The following FGF10 variants were observed in gnomAD, a reference collection of about 807,000 sequenced individuals.
FGF10 encodes FGF-10.
In FGF10, 2 loss-of-function variants were observed where a neutral mutation model predicts 19.8. The observed-to-expected ratio is 0.10, with a 90% CI of 0.04 to 0.32. The LOEUF (loss-of-function observed/expected upper bound fraction) is 0.32, where lower values mean the gene tolerates loss of function less well. FGF10 is among the 10% of genes least tolerant of loss of function. FGF10 has a pLI of 1.00. For missense variants in FGF10, 191 were observed against 246.3 expected (o/e 0.78, Z 1.50); for synonymous variants, 112 against 94.0 (o/e 1.19, Z -1.10).
At chr5:44,310,578 T>C (rs778500773) in intron 1 of FGF10, 48 bp from the exon 2 acceptor site, 2 of 1,364,210 alleles carry the variant, frequency 1.5e-6, no homozygotes, top group Non-Finnish European at 2.1e-6. Context: ...CTAAATATAT[T>C]TGGAAGAAAA....
At chr5:44,355,756 G>GAGAACAGA (rs888983014) in intron 1 of FGF10, among the ~76,000 whole-genome samples, 18 of 151,534 alleles carry the variant, frequency 1.2e-4, no homozygotes, top group African/African-American at 4.3e-4. Flanking sequence ...GGAATATGCT[G>GAGAACAGA]AGAACAGAGT....
At position 44,388,298 on chromosome 5, in the gene FGF10, C is replaced by G. The variant is rs375875663; in HGVS notation, c.325+60G>C. 4 of 1,495,754 alleles carry G rather than the reference C, an allele frequency of 2.7e-6. No individual in the cohort carries two copies. The Admixed American group carries it at 6.7e-5, about 25-fold the overall frequency. 92.7% of individuals were successfully genotyped at this position (1,495,754 alleles called of 1,614,324 possible). A position where few individuals can be genotyped will look rare whatever the true frequency, so the allele number is the denominator to read the frequency against. Reference sequence around the variant, plus strand: ...TGGCCACATCTGGAACAGATTTTTCCCCCCCGTGTGGGCTGGGGGTGGATA... The same window carrying G: ...TGGCCACATCTGGAACAGATTTTTCGCCCCCGTGTGGGCTGGGGGTGGATA... On this transcript the variant is annotated intron_variant, in intron 1 of 2. Transcript: ENST00000264664.
intron 1 of FGF10, among the ~76,000 whole-genome samples, chr5:44,347,013 G>T (rs950969424): frequency 6.6e-6 from 1 of 151,574 alleles, no homozygotes; most frequent in Admixed American, 6.6e-5. Context: ...ATTTATTTCT[G>T]TTCTCTACAG....
At chr5:44,329,580 A>G (rs1740686409) in intron 1 of FGF10, among the ~76,000 whole-genome samples, 1 of 152,128 alleles carries the variant, frequency 6.6e-6, no homozygotes, top group Admixed American at 6.6e-5. Context: ...CAACACCTCC[A>G]ACCTAAACTA....
Position 44,388,788 on chromosome 5 carries a change from T to G in FGF10, c.-106A>C, listed in dbSNP as rs1048872071. 2 of 1,182,504 alleles carry G rather than the reference T, an allele frequency of 1.7e-6. No individual in the cohort carries two copies. The highest frequency in any genetic ancestry group is 2.5e-6 in the Non-Finnish European group (2 of 806,182). 73.3% of individuals were successfully genotyped at this position (1,182,504 alleles called of 1,614,324 possible). The stretch of plus-strand genomic sequence containing the variant: ...GAGAGCTCGAGGTGGTGGCTGCTGG[T>G]TAGCTCCCTCTGGGCGCGGATCTGG... On this transcript the variant is annotated 5_prime_UTR_variant, in exon 1 of 3. An upstream open reading frame in the 5' UTR loses its in-frame stop. Coordinates refer to ENST00000264664, the MANE Select transcript of FGF10 (RefSeq NM_004465.2).
At chr5:44,363,111 A>G (rs559322204) in intron 1 of FGF10, among the ~76,000 whole-genome samples, 1 of 151,974 alleles carries the variant, frequency 6.6e-6, no homozygotes, top group East Asian at 1.9e-4. Context: ...GTTTTTGTGA[A>G]AAACAACAGA....
intron 1 of FGF10, among the ~76,000 whole-genome samples, chr5:44,384,953 G>A (rs1742065829): frequency 6.6e-6 from 1 of 152,186 alleles, no homozygotes; most frequent in South Asian, 2.1e-4. Context: ...GAAGCTCACA[G>A]CTGTTTTACT....
intron 1 of FGF10, among the ~76,000 whole-genome samples, chr5:44,352,914 C>T (rs1437781493): frequency 1.3e-5 from 2 of 151,572 alleles, no homozygotes; most frequent in Non-Finnish European, 3.0e-5. Context: ...TAAAAACTTT[C>T]AGTCTTCCTA....
rs553301844 is a variant in FGF10 at position 44,303,177 on chromosome 5, A to G, written c.*1818T>C. The stretch of plus-strand genomic sequence containing the variant: ...GTGCCTCAAATGTGTTTCTTCTGAA[A>G]TACAGTTTTTTTGAAGAATGGGAAA... On this transcript the variant is annotated 3_prime_UTR_variant, in exon 3 of 3. Transcript: ENST00000264664. Among the ~76,000 whole-genome samples, 29 of 152,296 alleles carry G rather than the reference A, an allele frequency of 1.9e-4. No individual in the cohort carries two copies. Among genetic ancestry groups the G allele is most frequent in the Non-Finnish European group, 4.1e-4 (28 of 68,016 alleles).
rs556441451 is a variant in FGF10, at chr5:44,327,059, G to A, written c.326-16529C>T. Among the ~76,000 whole-genome samples, 15 of 152,264 alleles carry A rather than the reference G, an allele frequency of 9.9e-5. No homozygotes were observed. In the East Asian group the frequency reaches 2.9e-3, roughly 29 times the overall value. ...CTTCCAGGGTAGGCAGGACTATAGA[G>A]CAGCACTCCCCACCCACTGCCCCAA... On this transcript the variant is annotated intron_variant, in intron 1 of 2. Coordinates refer to ENST00000264664, the MANE Select transcript of FGF10 (RefSeq NM_004465.2).
At chr5:44,342,928 T>C (rs1267625125) in intron 1 of FGF10, among the ~76,000 whole-genome samples, 1 of 151,974 alleles carries the variant, frequency 6.6e-6, no homozygotes, top group African/African-American at 2.4e-5. Flanking sequence ...CATCACATAG[T>C]TTGGTAGGAT....
intron 1 of FGF10, among the ~76,000 whole-genome samples, chr5:44,360,407 C>G (rs1196503116): frequency 6.6e-6 from 1 of 151,476 alleles, no homozygotes; most frequent in Non-Finnish European, 1.5e-5. Context: ...TTAACACTCC[C>G]TTCCCTAGGG....
In FGF10 at chr5:44,389,046, G is replaced by A. The variant is rs991214573; in HGVS notation, c.-364C>T. ...TACTCCTTTCTTCACCATGTTAGATGCCAAAAAGGTCTGAAAAACAGATGA... is the reference window on the plus strand; with the variant it reads ...TACTCCTTTCTTCACCATGTTAGATACCAAAAAGGTCTGAAAAACAGATGA... On this transcript the variant is annotated 5_prime_UTR_variant, in exon 1 of 3. Transcript: ENST00000264664. The A allele has an allele frequency of 1.7e-5, 6 of 361,784 alleles. No homozygotes were observed. The highest frequency in any genetic ancestry group is 1.2e-4 in the African/African-American group (6 of 48,118). 22.4% of individuals were successfully genotyped at this position (361,784 alleles called of 1,614,324 possible). A position where few individuals can be genotyped will look rare whatever the true frequency, so the allele number is the denominator to read the frequency against.
At chr5:44,378,816 C>T (rs1025426196) in intron 1 of FGF10, among the ~76,000 whole-genome samples, 13 of 152,184 alleles carry the variant, frequency 8.5e-5, no homozygotes, top group African/African-American at 1.7e-4. Context: ...TCCACTTCAT[C>T]GAATAATATA....
At chr5:44,343,132 AT>A (rs1234298834) in intron 1 of FGF10, among the ~76,000 whole-genome samples, 1 of 152,018 alleles carries the variant, frequency 6.6e-6, no homozygotes, top group African/African-American at 2.4e-5. Context: ...ATAATTTTTC[AT>A]TTAAAAGCTC....
chr5:44,372,154 G>A (rs1042372506), intron 1 of FGF10, among the ~76,000 whole-genome samples: 12 of 152,132 alleles, frequency 7.9e-5, no homozygotes, highest in African/African-American at 2.9e-4. Context: ...TGTTGGCAGG[G>A]CTGTATTCCA....
intron 1 of FGF10, among the ~76,000 whole-genome samples, chr5:44,317,747 A>G (rs917572156): frequency 8.6e-5 from 13 of 151,864 alleles, no homozygotes; most frequent in African/African-American, 3.1e-4. Context: ...TTTTTTCCTC[A>G]CTGGTAGAGA....
chr5:44,345,697 A>T (rs1038519563), intron 1 of FGF10, among the ~76,000 whole-genome samples: 2 of 150,594 alleles, frequency 1.3e-5, no homozygotes, highest in Non-Finnish European at 3.0e-5. Flanking sequence ...ATGCTGCTCA[A>T]TTTCAACTGT....
chr5:44,365,515 T>C (rs1423602532), intron 1 of FGF10, among the ~76,000 whole-genome samples: 1 of 151,958 alleles, frequency 6.6e-6, no homozygotes, highest in Non-Finnish European at 1.5e-5. Flanking sequence ...TATTGCAGTC[T>C]GAGCCATGAC....
Sources: allele counts gnomAD v4.1 joint callset (sites outside exome capture counted in the v4.1 genomes callset), GRCh38; gene constraint gnomAD v4.1.1; transcripts MANE v1.5; gene names NCBI Gene and HGNC (gene_info 2026-07-23, HGNC 2026-07-21).